Variants in AP4E1 observed in about 807,000 individuals in gnomAD.
AP4E1 encodes AP-4 complex subunit epsilon-1.
In AP4E1, 56 loss-of-function variants were observed where a neutral mutation model predicts 128.2. The ratio of observed to expected loss-of-function variants is 0.44; its 90% confidence interval spans 0.35 to 0.55. The LOEUF is 0.55. Among genes scored for constraint, AP4E1 ranks in the 20% least tolerant of loss-of-function variants. The pLI, the probability that AP4E1 is intolerant of heterozygous loss-of-function variation, is 0.00. For missense variants in AP4E1, 1,324 were observed against 1,307.7 expected, an observed-to-expected ratio of 1.01 and a Z score of -0.19; for synonymous variants, 484 against 473.1, an observed-to-expected ratio of 1.02 and a Z score of -0.30.
intron 13 of AP4E1, among the ~76,000 whole-genome samples, chr15:50,953,104 T>TA (rs1380313825): frequency 6.6e-6 from 1 of 152,188 alleles, no homozygotes; most frequent in African/African-American, 2.4e-5. Flanking sequence ...ATTATAAAGG[T>TA]ATCTTTCCTT....
intron 16 of AP4E1, among the ~76,000 whole-genome samples, chr15:50,987,314 C>G (rs1396569736): frequency 2.0e-5 from 3 of 152,136 alleles, no homozygotes; most frequent in Non-Finnish European, 4.4e-5. Context: ...CAGCTCTGCT[C>G]TGATCTTAGT....
intron 3 of AP4E1, 94 bp from the exon 4 acceptor site, chr15:50,923,837 T>C (rs766485770): frequency 4.6e-5 from 40 of 878,330 alleles, no homozygotes; most frequent in Middle Eastern, 6.0e-4. Context: ...TTGTAACTGG[T>C]ATCTTTGATA....
chr15:50,937,486 G>A (rs1472913613), intron 8 of AP4E1, among the ~76,000 whole-genome samples: 2 of 152,208 alleles, frequency 1.3e-5, no homozygotes, highest in African/African-American at 4.8e-5. Context: ...ATATGAAGAA[G>A]TATAATATAT....
chr15:50,920,698 A>G (rs1164904936), intron 3 of AP4E1, among the ~76,000 whole-genome samples: 2 of 152,050 alleles, frequency 1.3e-5, no homozygotes, highest in South Asian at 2.1e-4. Flanking sequence ...GCGCCCGGCC[A>G]TTTTATGCCT....
At chr15:50,973,617 C>G (rs2064513493) in intron 15 of AP4E1, among the ~76,000 whole-genome samples, 1 of 152,220 alleles carries the variant, frequency 6.6e-6, no homozygotes, top group African/African-American at 2.4e-5. Context: ...GTCCATTCCT[C>G]AATCCTATGA....
chr15:50,915,951 A>T (rs1387944541), intron 3 of AP4E1: 1 of 211,792 alleles, frequency 4.7e-6, no homozygotes, highest in African/African-American at 2.4e-5. Context: ...TTGTTGAGAC[A>T]GAGTCTCTCT....
chr15:50,968,211 CTACT>C, intron 14 of AP4E1, 48 bp from the exon 15 acceptor site: 1 of 1,178,482 alleles, frequency 8.5e-7, no homozygotes, highest in Non-Finnish European at 1.2e-6. Flanking sequence ...ACTATATAAT[CTACT>C]TAGGATAAAT....
At chr15:50,963,971 G>C (rs2064353769) in intron 14 of AP4E1, among the ~76,000 whole-genome samples, 1 of 152,330 alleles carries the variant, frequency 6.6e-6, no homozygotes, top group Admixed American at 6.5e-5. Flanking sequence ...CTGGATTACA[G>C]GCGTGAGCCA....
chr15:50,946,420 T>C (rs1330497836), intron 10 of AP4E1, among the ~76,000 whole-genome samples: 1 of 152,226 alleles, frequency 6.6e-6, no homozygotes, highest in Non-Finnish European at 1.5e-5. Context: ...ATGTCAACTT[T>C]TTATAACTGA....
intron 3 of AP4E1, 123 bp from the exon 4 acceptor site, chr15:50,923,808 A>T (rs901990566): frequency 2.8e-6 from 2 of 723,974 alleles, no homozygotes; most frequent in East Asian, 2.7e-5. Context: ...TATATTTTGC[A>T]ATTTGTGTTT....
At chr15:50,918,825 G>C in intron 3 of AP4E1, among the ~76,000 whole-genome samples, 1 of 152,078 alleles carries the variant, frequency 6.6e-6, no homozygotes, top group East Asian at 1.9e-4. Context: ...CTTTTATACA[G>C]TTGCATAATT....
Position 50,908,703 on chromosome 15 carries a change from C to G in AP4E1, c.-76C>G, listed in dbSNP as rs2063526182. ...CAGGAAGTGCCTACGGAGGCCGGGC[C>G]GGCAGCGGCGGCCGGGCATGAAGCC... On this transcript the variant is annotated 5_prime_UTR_variant, in exon 1 of 21. Coordinates refer to ENST00000261842, the MANE Select transcript of AP4E1 (RefSeq NM_007347.5). 7.2e-7 allele frequency: 1 copy of G among 1,390,880 alleles called. No individual in the cohort carries two copies. The highest frequency in any genetic ancestry group is 1.5e-5 in the African/African-American group (1 of 64,990). 86.2% of individuals were successfully genotyped at this position (1,390,880 alleles called of 1,614,324 possible). A position where few individuals can be genotyped will look rare whatever the true frequency, so the allele number is the denominator to read the frequency against.
chr15:50,965,996 T>C (rs7177267), intron 14 of AP4E1, among the ~76,000 whole-genome samples: 65,917 of 151,892 alleles, frequency 0.43, 14,500 homozygotes, highest in East Asian at 0.59. Context: ...TGGCTGACTG[T>C]AACCTCTGCC....
chr15:50,927,980 CT>C (rs1460919378), intron 5 of AP4E1, among the ~76,000 whole-genome samples: 1 of 152,124 alleles, frequency 6.6e-6, no homozygotes, highest in African/African-American at 2.4e-5. Context: ...AAGGAAGAAG[CT>C]TCCTTGGAAA....
intron 3 of AP4E1, among the ~76,000 whole-genome samples, chr15:50,917,431 CT>C (rs1225703559): frequency 6.6e-6 from 1 of 152,172 alleles, no homozygotes; most frequent in Non-Finnish European, 1.5e-5. Context: ...TTCCCTTCAA[CT>C]TTGGGCCATT....
chr15:50,963,701 TAAAG>T (rs2064348121), intron 14 of AP4E1, among the ~76,000 whole-genome samples: 2 of 152,194 alleles, frequency 1.3e-5, no homozygotes, highest in Admixed American at 6.5e-5. Flanking sequence ...TATTTCAAAA[TAAAG>T]AGAAGATTTG....
chr15:50,993,734 C>A, intron 17 of AP4E1, 109 bp downstream of exon 17: 1 of 1,344,772 alleles, frequency 7.4e-7, no homozygotes, highest in Non-Finnish European at 1.0e-6. Context: ...TGAAAAGTGG[C>A]TTCCCCAGTT....
chr15:50,922,075 C>T (rs1321591568), intron 3 of AP4E1, among the ~76,000 whole-genome samples: 2 of 148,692 alleles, frequency 1.3e-5, no homozygotes, highest in Admixed American at 6.8e-5. Flanking sequence ...CCTGTAATCC[C>T]AGCACTTTGG....
At chr15:50,977,134 T>C (rs571063689) in intron 15 of AP4E1, among the ~76,000 whole-genome samples, 1 of 152,328 alleles carries the variant, frequency 6.6e-6, no homozygotes, top group South Asian at 2.1e-4. Flanking sequence ...AAATGCCTTA[T>C]GACATCCAGG....
Sources: gnomAD v4.1 joint callset for allele counts (sites outside exome capture counted in the v4.1 genomes callset) on GRCh38, gnomAD v4.1.1 for gene constraint, MANE v1.5 for transcripts, NCBI Gene and HGNC (gene_info 2026-07-23, HGNC 2026-07-21) for gene names.